GALNT18: variants seen among roughly 807,000 people sequenced by gnomAD.
GALNT18 encodes the protein polypeptide N-acetylgalactosaminyltransferase 18, also known as GalNAc-transferase 18.
Under a neutral mutation model 69.5 loss-of-function variants are expected in GALNT18, and 44 were observed. That is an observed-to-expected ratio of 0.63 (90% CI 0.50 to 0.81). GALNT18 has a LOEUF of 0.81. GALNT18 is among the 40% of genes least tolerant of loss of function. GALNT18 has a pLI of 0.00. For synonymous variants in GALNT18, 364 were observed against 318.2 expected, an observed-to-expected ratio of 1.14 and a Z score of -1.53; for missense variants, 715 against 810.0, an observed-to-expected ratio of 0.88 and a Z score of 1.42.
intron 9 of GALNT18, among the ~76,000 whole-genome samples, chr11:11,316,734 G>A (rs1311265482): frequency 6.6e-6 from 1 of 152,224 alleles, no homozygotes; most frequent in Non-Finnish European, 1.5e-5. Context: ...GAAAGAATGG[G>A]AGAAATCCCC....
rs147541915 is a variant in GALNT18, at chr11:11,291,355, G to T, written c.1677+1674C>A. 2.4e-3 allele frequency among the ~76,000 whole-genome samples: 366 copies of T among 152,298 alleles called. 3 individuals are homozygous for T. Among genetic ancestry groups the T allele is most frequent in the African/African-American group, 8.4e-3 (350 of 41,566 alleles). On this transcript the variant is annotated intron_variant, in intron 10 of 10. Transcript: ENST00000227756. ...CTATTTCATAAATAATGACCAACAT[G>T]AGCACCTTGGGCATGTTCGTTAACT...
In GALNT18 at chr11:11,415,392, C is replaced by T. The variant is rs1035734111; in HGVS notation, c.595+17229G>A. On this transcript the variant is annotated intron_variant, in intron 3 of 10. Transcript: ENST00000227756. The surrounding 1 kb of genome is among the most constrained non-coding windows in gnomAD (Gnocchi z 4.1). ...CACACAGTGATCAATAAATAGTTGC[C>T]GAATGAGAAAATAACGTGTCCTTGT... 4.6e-4 allele frequency among the ~76,000 whole-genome samples: 70 copies of T among 152,130 alleles called. 1 individual carries two copies. In the Middle Eastern group the frequency reaches 0.01, roughly 22 times the overall value.
At chr11:11,508,580 G>C (rs1240056631) in intron 1 of GALNT18, among the ~76,000 whole-genome samples, 1 of 152,166 alleles carries the variant, frequency 6.6e-6, no homozygotes, top group East Asian at 1.9e-4. Flanking sequence ...TCCCCAAATT[G>C]TTGTTGTTTT....
intron 3 of GALNT18, among the ~76,000 whole-genome samples, chr11:11,428,180 G>A (rs1179132066): frequency 2.0e-5 from 3 of 152,206 alleles, no homozygotes; most frequent in South Asian, 2.1e-4. Context: ...AGCTCCCCGC[G>A]TGGAGTCTGC....
intron 1 of GALNT18, among the ~76,000 whole-genome samples, chr11:11,610,218 T>C (rs1859860968): frequency 1.3e-5 from 2 of 152,220 alleles, no homozygotes; most frequent in Non-Finnish European, 2.9e-5. Flanking sequence ...TTGAGCCTAT[T>C]TTCTCTTGAT....
intron 7 of GALNT18, among the ~76,000 whole-genome samples, chr11:11,335,121 C>A (rs1317672957): frequency 6.6e-6 from 1 of 152,210 alleles, no homozygotes; most frequent in Non-Finnish European, 1.5e-5. Flanking sequence ...CTCACAAAGG[C>A]CTCTGTGTTT....
chr11:11,299,798 G>A (rs1464392296), intron 9 of GALNT18, among the ~76,000 whole-genome samples: 2 of 152,322 alleles, frequency 1.3e-5, no homozygotes, highest in East Asian at 1.9e-4. Flanking sequence ...CTTTTCCATA[G>A]AATGACTTCT....
intron 9 of GALNT18, among the ~76,000 whole-genome samples, chr11:11,301,748 C>T (rs1017156509): frequency 2.0e-5 from 3 of 152,208 alleles, no homozygotes; most frequent in African/African-American, 7.2e-5. Context: ...TCAACAAACA[C>T]CCTCTTTGCC....
rs78427624 is a variant in GALNT18 at position 11,517,948 on chromosome 11, T to C, written c.236-69012A>G. 5.7e-3 allele frequency among the ~76,000 whole-genome samples: 872 copies of C among 152,328 alleles called. 8 individuals are homozygous for C. The highest frequency in any genetic ancestry group is 0.032 in the East Asian group (168 of 5,190). ...AAAGGAATGAAGCCATAATGGTGCA[T>C]TGTAAGTCATCCTGGGAAAAGTAGG... On this transcript the variant is annotated intron_variant, in intron 1 of 10. Coordinates refer to ENST00000227756, the MANE Select transcript of GALNT18 (RefSeq NM_198516.3).
chr11:11,379,136 C>T lies in GALNT18; in HGVS notation c.724G>A (p.Ala242Thr). Residue 242 changes from alanine to threonine, a missense_variant, in exon 4 of 11, where the codon GCC becomes ACC. Transcript: ENST00000227756. ...IRSRVSGWRA[A>T]TAPVVALFDA... ...AAGAGTGCCACCACAGGGGCAGTGGCCGCCCTCCAGCCACTGACCCTGGAG... is the reference window on the plus strand; with the variant it reads ...AAGAGTGCCACCACAGGGGCAGTGGTCGCCCTCCAGCCACTGACCCTGGAG... 6.2e-7 allele frequency: 1 copy of T among 1,611,090 alleles called. No individual in the cohort carries two copies. The highest frequency in any genetic ancestry group is 8.5e-7 in the Non-Finnish European group (1 of 1,179,912).
intron 1 of GALNT18, among the ~76,000 whole-genome samples, chr11:11,514,487 T>G (rs1857227153): frequency 6.6e-6 from 1 of 152,202 alleles, no homozygotes; most frequent in African/African-American, 2.4e-5. Flanking sequence ...TGAGCGTGAA[T>G]AAGAACAGCT....
At chr11:11,394,243 G>T (rs1033041229) in intron 3 of GALNT18, among the ~76,000 whole-genome samples, 2 of 152,114 alleles carry the variant, frequency 1.3e-5, no homozygotes, top group Non-Finnish European at 2.9e-5. Context: ...GAGGATAAAG[G>T]GGGCATTAAA....
chr11:11,500,646 C>T lies in GALNT18; in HGVS notation c.236-51710G>A, dbSNP rs1003029918. On this transcript the variant is annotated intron_variant, in intron 1 of 10. Coordinates refer to ENST00000227756, the MANE Select transcript of GALNT18 (RefSeq NM_198516.3). The surrounding 1 kb of genome is among the most constrained non-coding windows in gnomAD (Gnocchi z 5.0). ...GATCCAGTGCAAAATGGTGACAGTG[C>T]CGAGCTAGAGAAGCCCTTCCCATGC... 6.6e-6 allele frequency among the ~76,000 whole-genome samples: 1 copy of T among 152,178 alleles called. No homozygotes were observed. The highest frequency in any genetic ancestry group is 2.4e-5 in the African/African-American group (1 of 41,422).
chr11:11,355,035 C>T (rs1182364170), intron 6 of GALNT18, among the ~76,000 whole-genome samples: 1 of 152,142 alleles, frequency 6.6e-6, no homozygotes, highest in Non-Finnish European at 1.5e-5. Flanking sequence ...GGTCCAAGTC[C>T]CTATTATTTT....
intron 1 of GALNT18, among the ~76,000 whole-genome samples, chr11:11,452,226 T>G (rs928199358): frequency 6.6e-6 from 1 of 152,260 alleles, no homozygotes; most frequent in Admixed American, 6.5e-5. Flanking sequence ...GAACACTGGC[T>G]GTGGAGTCAG....
At chr11:11,456,622 G>C (rs1855930342) in intron 1 of GALNT18, among the ~76,000 whole-genome samples, 1 of 152,158 alleles carries the variant, frequency 6.6e-6, no homozygotes, top group Non-Finnish European at 1.5e-5. Flanking sequence ...CCTGTCAGTT[G>C]GTTAGTACTG....
At chr11:11,302,220 G>C (rs1297866124) in intron 9 of GALNT18, among the ~76,000 whole-genome samples, 3 of 152,190 alleles carry the variant, frequency 2.0e-5, no homozygotes, top group African/African-American at 7.2e-5. Context: ...GGCTCTAAGA[G>C]TCTTCTGACT....
In GALNT18 at chr11:11,415,400, A is replaced by T. The variant is rs1288876845; in HGVS notation, c.595+17221T>A. ...GATCAATAAATAGTTGCCGAATGAG[A>T]AAATAACGTGTCCTTGTAGCCACCT... is the stretch of plus-strand genomic sequence containing the variant. On this transcript the variant is annotated intron_variant, in intron 3 of 10. Transcript: ENST00000227756. This position sits in a 1 kb window ranked among gnomAD's most constrained non-coding sequence, Gnocchi z 4.1. Among the ~76,000 whole-genome samples the T allele has an allele frequency of 6.6e-6, 1 of 152,192 alleles. No homozygotes were observed. The highest frequency in any genetic ancestry group is 1.5e-5 in the Non-Finnish European group (1 of 68,028).
intron 1 of GALNT18, among the ~76,000 whole-genome samples, chr11:11,481,731 T>C (rs1174735135): frequency 1.3e-5 from 2 of 151,934 alleles, no homozygotes; most frequent in African/African-American, 4.8e-5. Flanking sequence ...AGGAGTAGAA[T>C]GGGGGGAAAC....
Sources: allele counts gnomAD v4.1 joint callset (sites outside exome capture counted in the v4.1 genomes callset), GRCh38; gene constraint gnomAD v4.1.1; non-coding constraint Gnocchi (gnomAD v3.1); transcripts MANE v1.5; gene names NCBI Gene and HGNC (gene_info 2026-07-23, HGNC 2026-07-21).